The following CRPPA variants were observed in gnomAD, a reference collection of about 807,000 sequenced individuals.
CRPPA encodes the protein CDP-L-ribitol pyrophosphorylase A, also known as D-ribitol-5-phosphate cytidylyltransferase.
A neutral mutation model predicts 52.0 loss-of-function variants in CRPPA; 43 were observed. The ratio of observed to expected loss-of-function variants is 0.83; its 90% CI spans 0.65 to 1.07. The LOEUF (loss-of-function observed/expected upper bound fraction) is 1.07, where lower values mean the gene tolerates loss of function less well. Ranked by LOEUF, CRPPA falls within the 50% of genes least tolerant of loss-of-function variation. The pLI, the probability that CRPPA is intolerant of heterozygous loss-of-function variation, is 0.00. For synonymous variants in CRPPA, 250 were observed against 203.5 expected (o/e 1.23, Z -1.94); for missense variants, 629 against 551.7 (o/e 1.14, Z -1.40).
At chr7:16,163,069 G>A (rs1780947013) in intron 9 of CRPPA, among the ~76,000 whole-genome samples, 1 of 150,864 alleles carries the variant, frequency 6.6e-6, no homozygotes, top group Non-Finnish European at 1.5e-5. Context: ...CACCTCCCGG[G>A]TTCACACCAT....
chr7:16,124,898 T>C (rs575796676), intron 9 of CRPPA, among the ~76,000 whole-genome samples: 19 of 151,926 alleles, frequency 1.3e-4, no homozygotes, highest in African/African-American at 3.9e-4. Context: ...CCTATTTTCA[T>C]TGAGGAGTGG....
chr7:16,234,874 A>T (rs1295173), intron 8 of CRPPA, among the ~76,000 whole-genome samples: 3 of 148,924 alleles, frequency 2.0e-5, no homozygotes, highest in Non-Finnish European at 2.9e-5. Context: ...GTAAACAATT[A>T]AAAAAAGAAG....
intron 8 of CRPPA, among the ~76,000 whole-genome samples, chr7:16,234,666 C>T (rs1210279070): frequency 6.6e-6 from 1 of 152,006 alleles, no homozygotes; most frequent in South Asian, 2.1e-4. Flanking sequence ...CAAAGCACCT[C>T]GTTGTAGAAG....
intron 6 of CRPPA, among the ~76,000 whole-genome samples, chr7:16,260,080 A>C (rs985055359): frequency 6.6e-6 from 1 of 152,044 alleles, no homozygotes; most frequent in Non-Finnish European, 1.5e-5. Context: ...CCACAATAAA[A>C]AAAGAAACCA....
At chr7:16,349,349 G>C (rs1786091097) in intron 3 of CRPPA, among the ~76,000 whole-genome samples, 1 of 152,150 alleles carries the variant, frequency 6.6e-6, no homozygotes, top group African/African-American at 2.4e-5. Context: ...AGTCTGACAA[G>C]ACAGGCAGAT....
intron 9 of CRPPA, among the ~76,000 whole-genome samples, chr7:16,119,862 G>T (rs924988312): frequency 1.3e-5 from 2 of 152,188 alleles, no homozygotes; most frequent in Admixed American, 6.5e-5. Context: ...CAAGTAGACA[G>T]CTGTATATGT....
At chr7:16,359,861 T>C (rs547903114) in intron 3 of CRPPA, among the ~76,000 whole-genome samples, 1 of 152,304 alleles carries the variant, frequency 6.6e-6, no homozygotes, top group African/African-American at 2.4e-5. Context: ...AGATTTCCAG[T>C]AACCTCTCAG....
intron 2 of CRPPA, among the ~76,000 whole-genome samples, chr7:16,389,741 A>C (rs551236803): frequency 6.6e-6 from 1 of 151,514 alleles, no homozygotes; most frequent in East Asian, 2.0e-4. Context: ...CTGTAATGGG[A>C]GTCCTAGCTA....
chr7:16,157,749 G>A (rs1378621554), intron 9 of CRPPA, among the ~76,000 whole-genome samples: 2 of 152,080 alleles, frequency 1.3e-5, no homozygotes, highest in Non-Finnish European at 2.9e-5. Flanking sequence ...TAAACATTCT[G>A]CCCCCTCTCT....
chr7:16,204,540 G>T (rs527501753), intron 9 of CRPPA, among the ~76,000 whole-genome samples: 1 of 152,160 alleles, frequency 6.6e-6, no homozygotes, highest in Non-Finnish European at 1.5e-5. Flanking sequence ...TATTCAGATG[G>T]TAGATACACT....
intron 3 of CRPPA, among the ~76,000 whole-genome samples, chr7:16,358,414 C>T (rs951936066): frequency 2.0e-5 from 3 of 152,094 alleles, no homozygotes; most frequent in Admixed American, 2.0e-4. Context: ...TAGCTCTTAC[C>T]CAGTACAATT....
chr7:16,327,321 G>T (rs1031720258), intron 3 of CRPPA, among the ~76,000 whole-genome samples: 4 of 152,094 alleles, frequency 2.6e-5, no homozygotes, highest in Non-Finnish European at 5.9e-5. Flanking sequence ...GGCCGGGCGC[G>T]GTGGCTCACG....
intron 9 of CRPPA, among the ~76,000 whole-genome samples, chr7:16,153,134 A>G (rs765333220): frequency 8.5e-5 from 13 of 152,106 alleles, no homozygotes; most frequent in South Asian, 2.1e-4. Context: ...AAAACTAACA[A>G]TGCCAATTTT....
chr7:16,341,771 G>C (rs1289271813), intron 3 of CRPPA, among the ~76,000 whole-genome samples: 1 of 152,142 alleles, frequency 6.6e-6, no homozygotes, highest in Non-Finnish European at 1.5e-5. Flanking sequence ...GAATATCTTA[G>C]AGAATAGTGT....
At chr7:16,313,660 A>G (rs1044314117) in intron 3 of CRPPA, among the ~76,000 whole-genome samples, 7 of 152,082 alleles carry the variant, frequency 4.6e-5, no homozygotes, top group South Asian at 4.1e-4. Context: ...TATGCATTCA[A>G]TGCTATCGTT....
chr7:16,191,455 T>C (rs1312695769), intron 9 of CRPPA, among the ~76,000 whole-genome samples: 3 of 152,110 alleles, frequency 2.0e-5, no homozygotes, highest in African/African-American at 7.2e-5. Context: ...TTTGCAGACT[T>C]TGATAATGGT....
intron 9 of CRPPA, among the ~76,000 whole-genome samples, chr7:16,115,856 A>G (rs369357363): frequency 1.3e-5 from 2 of 152,340 alleles, no homozygotes; most frequent in East Asian, 3.9e-4. Context: ...TAATGAGTTC[A>G]TTCAGATAGA....
chr7:16,256,390 A>T (rs765513008), intron 8 of CRPPA, among the ~76,000 whole-genome samples: 17 of 152,136 alleles, frequency 1.1e-4, no homozygotes, highest in Non-Finnish European at 5.9e-5. Context: ...AAATACCATT[A>T]GACCCAGCAA....
In CRPPA at chr7:16,288,845, C is replaced by CAAAAAAA. The variant is rs71007760; in HGVS notation, c.836-10626_836-10620dup. Among the ~76,000 whole-genome samples the CAAAAAAA allele has an allele frequency of 1.8e-3, 64 of 34,802 alleles. 3 individuals are homozygous for CAAAAAAA. Among genetic ancestry groups the CAAAAAAA allele is most frequent in the African/African-American group, 4.6e-3 (40 of 8,778 alleles). 22.8% of individuals were successfully genotyped at this position (34,802 alleles called of 152,430 possible). On this transcript the variant is annotated intron_variant, in intron 5 of 9. Coordinates refer to ENST00000407010, the MANE Select transcript of CRPPA (RefSeq NM_001101426.4). ...TGGGCAACGGAGTGAGACTCTGCCT[C>CAAAAAAA]AAAAAAAAAAAAAAAAAAAAAAAAT...
Sources: gnomAD v4.1 joint callset for allele counts (sites outside exome capture counted in the v4.1 genomes callset) on GRCh38, gnomAD v4.1.1 for gene constraint, MANE v1.5 for transcripts, NCBI Gene and HGNC (gene_info 2026-07-23, HGNC 2026-07-21) for gene names.